Variants in PDE4B observed in about 807,000 individuals in gnomAD.
PDE4B encodes phosphodiesterase 4B, also known as 3',5'-cyclic-AMP phosphodiesterase 4B.
A neutral mutation model predicts 82.2 loss-of-function variants in PDE4B; 20 were observed. The ratio of observed to expected loss-of-function variants is 0.24; its 90% CI spans 0.17 to 0.35. PDE4B has a LOEUF of 0.35. PDE4B is among the 10% of genes least tolerant of loss of function. The pLI is 1.00. For synonymous variants in PDE4B, 320 were observed against 318.9 expected, an observed-to-expected ratio of 1.00 and a Z score of -0.04; for missense variants, 655 against 907.2, an observed-to-expected ratio of 0.72 and a Z score of 3.57.
At chr1:66,088,347 A>G (rs1644941156) in intron 3 of PDE4B, among the ~76,000 whole-genome samples, 1 of 152,048 alleles carries the variant, frequency 6.6e-6, no homozygotes, top group Non-Finnish European at 1.5e-5. Flanking sequence ...ATCCAACTGG[A>G]GATGTTTAGT....
chr1:65,819,526 G>A (rs1434101322), intron 1 of PDE4B, among the ~76,000 whole-genome samples: 5 of 146,202 alleles, frequency 3.4e-5, no homozygotes, highest in Non-Finnish European at 7.4e-5. Flanking sequence ...TTTTGAGACA[G>A]AGTCTCGCTC....
intron 1 of PDE4B, among the ~76,000 whole-genome samples, chr1:65,872,570 T>C (rs1277861977): frequency 6.6e-6 from 1 of 152,166 alleles, no homozygotes; most frequent in Non-Finnish European, 1.5e-5. Context: ...TCTCAGTTTG[T>C]TTAATGTCTA....
chr1:66,273,039 C>T (rs1655624996), intron 7 of PDE4B, among the ~76,000 whole-genome samples: 1 of 152,168 alleles, frequency 6.6e-6, no homozygotes, highest in South Asian at 2.1e-4. Context: ...ATCCGCCCAC[C>T]TCAGCCTCCC....
In PDE4B at chr1:66,106,109, A is replaced by G. The variant is rs367599918; in HGVS notation, c.282-141351A>G. 1.8e-4 allele frequency among the ~76,000 whole-genome samples: 27 copies of G among 151,670 alleles called. No homozygotes were observed. The South Asian group carries it at 4.0e-3, about 22-fold the overall frequency. On this transcript the variant is annotated intron_variant, in intron 3 of 16. Transcript: ENST00000341517. ...GATAGCTCTTATTATTTTGAGATAC[A>G]TCCCATCAATACCTAATTTATTGAG... is the stretch of plus-strand genomic sequence containing the variant.
chr1:65,853,321 A>G (rs988076131), intron 1 of PDE4B, among the ~76,000 whole-genome samples: 3 of 152,074 alleles, frequency 2.0e-5, no homozygotes, highest in African/African-American at 4.8e-5. Context: ...TCTTTATTTA[A>G]AGAAGTTTGT....
chr1:65,922,763 TAGTG>T, intron 3 of PDE4B, among the ~76,000 whole-genome samples: 1 of 152,240 alleles, frequency 6.6e-6, no homozygotes, highest in African/African-American at 2.4e-5. Context: ...CTCTGGGAAA[TAGTG>T]AGTAAGGCGG....
intron 7 of PDE4B, among the ~76,000 whole-genome samples, chr1:66,299,111 G>T (rs959846512): frequency 6.6e-6 from 1 of 152,028 alleles, no homozygotes; most frequent in East Asian, 1.9e-4. Context: ...AGCTTTGAAC[G>T]TATACAATAA....
chr1:66,086,328 G>T (rs1657007773), intron 3 of PDE4B, among the ~76,000 whole-genome samples: 1 of 152,136 alleles, frequency 6.6e-6, no homozygotes, highest in Non-Finnish European at 1.5e-5. Flanking sequence ...ACGCAGTCAG[G>T]TGTGGTGTTA....
intron 1 of PDE4B, among the ~76,000 whole-genome samples, chr1:65,907,022 C>T (rs1647034421): frequency 6.6e-6 from 1 of 152,142 alleles, no homozygotes; most frequent in Non-Finnish European, 1.5e-5. Context: ...TGATTCTTCT[C>T]TCCAAGCAAT....
At chr1:65,868,636 G>C (rs961114948) in intron 1 of PDE4B, among the ~76,000 whole-genome samples, 8 of 152,210 alleles carry the variant, frequency 5.3e-5, no homozygotes, top group Non-Finnish European at 7.3e-5. Context: ...AACTGGCAAA[G>C]GGACTGTATA....
At chr1:65,954,720 C>T (rs1649171487) in intron 3 of PDE4B, among the ~76,000 whole-genome samples, 1 of 152,016 alleles carries the variant, frequency 6.6e-6, no homozygotes. Context: ...TTGATCAGTT[C>T]TCTCACTACA....
intron 3 of PDE4B, among the ~76,000 whole-genome samples, chr1:65,953,985 A>G (rs60206529): frequency 0.055 from 8,441 of 152,100 alleles, 301 homozygotes; most frequent in Middle Eastern, 0.18. Context: ...TGCAATCTCC[A>G]TCTCCCAGGT....
At chr1:66,242,625 G>C (rs992607988) in intron 3 of PDE4B, among the ~76,000 whole-genome samples, 2 of 152,124 alleles carry the variant, frequency 1.3e-5, no homozygotes, top group African/African-American at 4.8e-5. Flanking sequence ...ACCACCCTGG[G>C]GACAATTGCA....
chr1:66,193,882 G>A (rs1648038776), intron 3 of PDE4B, among the ~76,000 whole-genome samples: 1 of 151,710 alleles, frequency 6.6e-6, no homozygotes, highest in Non-Finnish European at 1.5e-5. Flanking sequence ...AGAAACTTGG[G>A]AAGCCATCTA....
chr1:65,891,230 T>C (rs1397615211), intron 1 of PDE4B, among the ~76,000 whole-genome samples: 4 of 152,154 alleles, frequency 2.6e-5, no homozygotes, highest in Non-Finnish European at 4.4e-5. Context: ...AATTAGTTAA[T>C]TCAGCAATCA....
chr1:66,208,780 AT>A (rs572820476), intron 3 of PDE4B, among the ~76,000 whole-genome samples: 78 of 152,340 alleles, frequency 5.1e-4, no homozygotes, highest in African/African-American at 1.8e-3. Context: ...AATGCAAAAA[AT>A]ATATTGATTT....
chr1:66,354,796 G>A (rs1662106970), intron 8 of PDE4B: 4 of 1,534,564 alleles, frequency 2.6e-6, no homozygotes, highest in East Asian at 2.4e-5. Context: ...TCTCAGAACT[G>A]TGAATTCTTT....
At chr1:65,919,853 T>C (rs910943974) in intron 3 of PDE4B, among the ~76,000 whole-genome samples, 4 of 152,240 alleles carry the variant, frequency 2.6e-5, no homozygotes, top group African/African-American at 7.2e-5. Context: ...AATGTTTACC[T>C]GACACACTGA....
At chr1:66,036,945 C>T (rs906393963) in intron 3 of PDE4B, among the ~76,000 whole-genome samples, 4 of 151,754 alleles carry the variant, frequency 2.6e-5, no homozygotes, top group African/African-American at 9.7e-5. Context: ...CCAGCCTGAC[C>T]AACATGGTGA....
Sources: gnomAD v4.1 joint callset for allele counts (sites outside exome capture counted in the v4.1 genomes callset) on GRCh38, gnomAD v4.1.1 for gene constraint, MANE v1.5 for transcripts, NCBI Gene and HGNC (gene_info 2026-07-23, HGNC 2026-07-21) for gene names.